Variants in POU6F2 observed in about 807,000 individuals in gnomAD.
POU6F2 encodes the protein POU class 6 homeobox 2.
In POU6F2, 31 loss-of-function variants were observed where a neutral mutation model predicts 71.3. The ratio of observed to expected loss-of-function variants is 0.43; its 90% CI spans 0.33 to 0.59. POU6F2 has a LOEUF of 0.59. Ranked by LOEUF, POU6F2 falls within the 20% of genes least tolerant of loss-of-function variation. The pLI is 0.04. For synonymous variants in POU6F2, 347 were observed against 355.7 expected (o/e 0.98, Z 0.27); for missense variants, 783 against 856.8 (o/e 0.91, Z 1.07).
intron 7 of POU6F2, among the ~76,000 whole-genome samples, chr7:39,449,266 A>G (rs969015956): frequency 3.9e-5 from 6 of 152,204 alleles, no homozygotes; most frequent in African/African-American, 4.8e-5. Context: ...TGCCAGGCAC[A>G]TCTGCTGCAT....
intron 1 of POU6F2, among the ~76,000 whole-genome samples, chr7:38,987,031 A>G (rs1788479988): frequency 6.6e-6 from 1 of 152,146 alleles, no homozygotes; most frequent in Non-Finnish European, 1.5e-5. Context: ...AGTCTCTGCA[A>G]TCAGTCTAAC....
intron 1 of POU6F2, among the ~76,000 whole-genome samples, chr7:39,019,656 T>G (rs140456869): frequency 6.6e-6 from 1 of 151,618 alleles, no homozygotes; most frequent in Non-Finnish European, 1.5e-5. Flanking sequence ...TTTCTTTTTT[T>G]TTTTTTTTAA....
intron 6 of POU6F2, among the ~76,000 whole-genome samples, chr7:39,426,960 T>C (rs1394430714): frequency 6.6e-6 from 1 of 152,230 alleles, no homozygotes; most frequent in Non-Finnish European, 1.5e-5. Flanking sequence ...TGTAGCATTC[T>C]ATTATAAAAC....
Position 39,433,118 on chromosome 7 carries a change from G to A in POU6F2, c.1155G>A (p.Ser385=), listed in dbSNP as rs147128853. The A allele has an allele frequency of 1.3e-3, 2,104 of 1,613,392 alleles. No individual in the cohort carries two copies. The highest frequency in any genetic ancestry group is 1.5e-3 in the Non-Finnish European group (1,784 of 1,179,674). ...TIPLMPNPGP[S]SQAASGTQGL... ...CACTGATGCCTAATCCAGGGCCATC[G>A]AGCCAAGCAGCAAGCGGCACTCAGG... Residue 385 remains serine, a synonymous_variant, in exon 7 of 10, where the codon TCG becomes TCA. Transcript: ENST00000518318.
intron 4 of POU6F2, among the ~76,000 whole-genome samples, chr7:39,219,229 T>C (rs1794302679): frequency 1.3e-5 from 2 of 152,188 alleles, no homozygotes; most frequent in Non-Finnish European, 2.9e-5. Context: ...GTATGTCAGT[T>C]TGCTTTTTAA....
chr7:39,286,874 C>T (rs1217779950), intron 4 of POU6F2, among the ~76,000 whole-genome samples: 2 of 152,066 alleles, frequency 1.3e-5, no homozygotes, highest in Non-Finnish European at 2.9e-5. Context: ...GGGATCCTCC[C>T]ACCTCGTCCT....
At chr7:39,064,572 A>G (rs1221601454) in intron 1 of POU6F2, among the ~76,000 whole-genome samples, 1 of 151,974 alleles carries the variant, frequency 6.6e-6, no homozygotes, top group Non-Finnish European at 1.5e-5. Flanking sequence ...GAAAATAATA[A>G]TAAAACTACA....
chr7:39,440,590 T>C (rs1788377466), intron 7 of POU6F2, among the ~76,000 whole-genome samples: 1 of 152,352 alleles, frequency 6.6e-6, no homozygotes, highest in South Asian at 2.1e-4. Flanking sequence ...TCCTCAAACC[T>C]TTTATCAAGG....
intron 1 of POU6F2, among the ~76,000 whole-genome samples, chr7:39,061,790 C>T (rs992064640): frequency 1.3e-5 from 2 of 152,098 alleles, no homozygotes; most frequent in African/African-American, 4.8e-5. Flanking sequence ...GTGACAGGCT[C>T]GCTTCATTCA....
chr7:39,105,690 G>A (rs1031803765), intron 2 of POU6F2, among the ~76,000 whole-genome samples: 4 of 152,048 alleles, frequency 2.6e-5, no homozygotes, highest in Admixed American at 6.6e-5. Flanking sequence ...GTATGGACGT[G>A]GTAAACTAAA....
At chr7:39,435,961 T>C (rs1230634576) in intron 7 of POU6F2, among the ~76,000 whole-genome samples, 1 of 152,198 alleles carries the variant, frequency 6.6e-6, no homozygotes, top group Non-Finnish European at 1.5e-5. Flanking sequence ...CTGAGGTCTC[T>C]ATTGTGCTCC....
chr7:39,173,604 T>G (rs1793269500), intron 2 of POU6F2, among the ~76,000 whole-genome samples: 1 of 152,266 alleles, frequency 6.6e-6, no homozygotes, highest in Non-Finnish European at 1.5e-5. Context: ...ATGAATTATT[T>G]GGAAGCTAAT....
At chr7:39,270,252 T>G (rs1327115488) in intron 4 of POU6F2, among the ~76,000 whole-genome samples, 1 of 152,184 alleles carries the variant, frequency 6.6e-6, no homozygotes, top group Non-Finnish European at 1.5e-5. Flanking sequence ...TGCCTGTCTT[T>G]AAGAGTCATT....
chr7:39,364,225 G>T (rs1786451076), intron 5 of POU6F2, among the ~76,000 whole-genome samples: 1 of 151,728 alleles, frequency 6.6e-6, no homozygotes, highest in South Asian at 2.1e-4. Flanking sequence ...CAATGAAAGG[G>T]CATGGAAGTT....
intron 2 of POU6F2, among the ~76,000 whole-genome samples, chr7:39,151,398 C>T (rs62442230): frequency 1.3e-5 from 2 of 152,124 alleles, no homozygotes; most frequent in African/African-American, 4.8e-5. Context: ...TCTGGGGGCC[C>T]ATTAGCTAGT....
intron 4 of POU6F2, among the ~76,000 whole-genome samples, chr7:39,243,662 A>T (rs1005749360): frequency 6.6e-6 from 1 of 151,948 alleles, no homozygotes; most frequent in Non-Finnish European, 1.5e-5. Flanking sequence ...TCAGTAATTT[A>T]TTCTAGGAAC....
At chr7:39,349,921 C>A (rs1255223958) in intron 5 of POU6F2, among the ~76,000 whole-genome samples, 2 of 152,150 alleles carry the variant, frequency 1.3e-5, no homozygotes, top group Non-Finnish European at 2.9e-5. Flanking sequence ...GTGGCTGTCT[C>A]CTGGATAGGG....
rs562051532 is a variant in POU6F2, at chr7:39,204,453, C to T, written c.369+127C>T. 28 of 711,016 alleles carry T rather than the reference C, an allele frequency of 3.9e-5. No individual in the cohort carries two copies. The South Asian group carries it at 4.6e-4, about 12-fold the overall frequency. The allele number at this position is 711,016 out of a possible 1,614,324, so 44.0% of individuals were successfully genotyped here. A position where few individuals can be genotyped will look rare whatever the true frequency, so the allele number is the denominator to read the frequency against. On this transcript the variant is annotated intron_variant, in intron 3 of 9. Transcript: ENST00000518318. ...CAGAGCAAAGATGGTAATAAATTTT[C>T]GTATGAAAAGCTGTATGACTACATT... is the stretch of plus-strand genomic sequence containing the variant.
chr7:38,995,211 C>T (rs1002999205), intron 1 of POU6F2, among the ~76,000 whole-genome samples: 4 of 152,190 alleles, frequency 2.6e-5, no homozygotes, highest in Admixed American at 1.3e-4. Context: ...GAACATCTAT[C>T]CATTCTGTGT....
Sources: allele counts gnomAD v4.1 joint callset (sites outside exome capture counted in the v4.1 genomes callset), GRCh38; gene constraint gnomAD v4.1.1; transcripts MANE v1.5; gene names NCBI Gene and HGNC (gene_info 2026-07-23, HGNC 2026-07-21).